The following ZBTB7C variants were observed in gnomAD, a reference collection of about 807,000 sequenced individuals.
ZBTB7C encodes the protein zinc finger and BTB domain-containing protein 7C.
A neutral mutation model predicts 25.7 loss-of-function variants in ZBTB7C; 8 were observed. The ratio of observed to expected loss-of-function variants is 0.31; its 90% CI spans 0.18 to 0.56. ZBTB7C has a LOEUF of 0.56. ZBTB7C is among the 20% of genes least tolerant of loss of function. ZBTB7C has a pLI of 0.91. For synonymous variants in ZBTB7C, 394 were observed against 369.0 expected (o/e 1.07, Z -0.78); for missense variants, 824 against 855.2 (o/e 0.96, Z 0.46).
intron 3 of ZBTB7C, among the ~76,000 whole-genome samples, chr18:48,093,976 G>A (rs911910598): frequency 2.6e-5 from 4 of 152,154 alleles, no homozygotes; most frequent in South Asian, 2.1e-4. Context: ...GAAGAATGGC[G>A]TGAACCCGGG....
At chr18:48,211,313 A>G (rs2156649) in intron 2 of ZBTB7C, among the ~76,000 whole-genome samples, 139,914 of 152,116 alleles carry the variant, frequency 0.92, 65,040 homozygotes, top group East Asian at 0.99. Flanking sequence ...CCAAAGGCAC[A>G]ACCCATAAAA....
intron 3 of ZBTB7C, among the ~76,000 whole-genome samples, chr18:48,102,557 C>T (rs1054195342): frequency 4.1e-5 from 5 of 120,764 alleles, no homozygotes; most frequent in Non-Finnish European, 8.4e-5. Context: ...AGAGTGAGAT[C>T]CTCCCTCAAA....
intron 3 of ZBTB7C, chr18:48,147,532 T>C (rs1033457987): frequency 1.3e-5 from 2 of 152,214 alleles, no homozygotes; most frequent in Non-Finnish European, 2.9e-5. Context: ...AGGATGACTA[T>C]TGTTTGGAAT....
intron 3 of ZBTB7C, among the ~76,000 whole-genome samples, chr18:48,160,862 C>T (rs2040988984): frequency 6.6e-6 from 1 of 151,980 alleles, no homozygotes; most frequent in African/African-American, 2.4e-5. Flanking sequence ...GAAAGGCCTC[C>T]CCTGTCCCAA....
chr18:48,352,046 C>T (rs897945476), intron 1 of ZBTB7C, among the ~76,000 whole-genome samples: 3 of 152,196 alleles, frequency 2.0e-5, no homozygotes, highest in Non-Finnish European at 4.4e-5. Context: ...CAAGGGTCCC[C>T]TCTTCCAGGA....
intron 2 of ZBTB7C, among the ~76,000 whole-genome samples, chr18:48,328,360 A>T (rs935747537): frequency 6.6e-6 from 1 of 152,184 alleles, no homozygotes. Flanking sequence ...TAAATTGTAG[A>T]TAGTGATGAT....
intron 3 of ZBTB7C, among the ~76,000 whole-genome samples, chr18:48,122,376 T>C (rs975085741): frequency 3.3e-5 from 5 of 152,314 alleles, no homozygotes; most frequent in African/African-American, 4.8e-5. Flanking sequence ...GTTATGAAAA[T>C]GTAGTTGTTT....
At chr18:48,407,233 A>G (rs113613287) in intron 1 of ZBTB7C, among the ~76,000 whole-genome samples, 199 of 152,328 alleles carry the variant, frequency 1.3e-3, no homozygotes, top group African/African-American at 4.4e-3. Context: ...AATTACCAGG[A>G]AAACAGAGTT....
At chr18:48,316,959 G>A (rs993175595) in intron 2 of ZBTB7C, among the ~76,000 whole-genome samples, 3 of 152,152 alleles carry the variant, frequency 2.0e-5, no homozygotes, top group South Asian at 2.1e-4. Flanking sequence ...TAATTCACGC[G>A]AACTTGTCTT....
chr18:48,304,283 T>C (rs750703253), intron 2 of ZBTB7C, among the ~76,000 whole-genome samples: 1 of 152,214 alleles, frequency 6.6e-6, no homozygotes, highest in Non-Finnish European at 1.5e-5. Context: ...CCAGTTGTAT[T>C]ACTTTACTGA....
Position 48,027,349 on chromosome 18 carries a change from T to C in ZBTB7C, c.*1911A>G, listed in dbSNP as rs1404588092. ...GCCCCAACACCACTGGATTCCAATT[T>C]ATTCATGTTTCCTTTTTTTTTTTTT... is the stretch of plus-strand genomic sequence containing the variant. On this transcript the variant is annotated 3_prime_UTR_variant, in exon 5 of 5. Transcript: ENST00000590800. 1.3e-5 allele frequency: 2 copies of C among 150,746 alleles called. No homozygotes were observed. Among genetic ancestry groups the C allele is most frequent in the Non-Finnish European group, 2.9e-5 (2 of 67,864 alleles). The allele number at this position is 150,746 out of a possible 1,614,324, so 9.3% of individuals were successfully genotyped here.
intron 2 of ZBTB7C, among the ~76,000 whole-genome samples, chr18:48,311,529 C>T (rs1392899643): frequency 6.8e-6 from 1 of 147,582 alleles, no homozygotes; most frequent in Non-Finnish European, 1.5e-5. Context: ...GGGTAAGACG[C>T]CAGGGATGCT....
intron 2 of ZBTB7C, among the ~76,000 whole-genome samples, chr18:48,335,104 C>T (rs1167963663): frequency 1.6e-4 from 25 of 152,232 alleles, no homozygotes; most frequent in Admixed American, 1.6e-3. Context: ...CTGTCACCAC[C>T]AGGGGCTAAG....
intron 1 of ZBTB7C, chr18:48,346,793 C>CA (rs1555746062): frequency 6.8e-6 from 1 of 147,180 alleles, no homozygotes; most frequent in East Asian, 2.0e-4. Context: ...TTTCTTTTTC[C>CA]TTTTTTTTTT....
At chr18:48,368,806 A>AAAAAGAATTATCCACCCAG (rs57505551) in intron 1 of ZBTB7C, among the ~76,000 whole-genome samples, 1 of 151,970 alleles carries the variant, frequency 6.6e-6, no homozygotes, top group Non-Finnish European at 1.5e-5. Context: ...GTGTGAAAAG[A>AAAAAGAATTATCCACCCAG]AATCCTATTT....
chr18:48,129,629 A>G (rs2039924000), intron 3 of ZBTB7C, among the ~76,000 whole-genome samples: 1 of 152,164 alleles, frequency 6.6e-6, no homozygotes, highest in Admixed American at 6.5e-5. Context: ...AGTGTCTCTA[A>G]TGTCACTGGT....
At chr18:48,213,005 C>T (rs984336356) in intron 2 of ZBTB7C, among the ~76,000 whole-genome samples, 1 of 152,184 alleles carries the variant, frequency 6.6e-6, no homozygotes, top group African/African-American at 2.4e-5. Context: ...AAAGGGAAGG[C>T]CTTTCCTCCA....
intron 3 of ZBTB7C, among the ~76,000 whole-genome samples, chr18:48,169,260 A>C (rs558014560): frequency 6.6e-6 from 1 of 151,850 alleles, no homozygotes; most frequent in South Asian, 2.1e-4. Context: ...AGTACTCCTC[A>C]CCTCCCAGTC....
chr18:48,293,870 A>G (rs891414585), intron 2 of ZBTB7C, among the ~76,000 whole-genome samples: 1 of 152,064 alleles, frequency 6.6e-6, no homozygotes, highest in African/African-American at 2.4e-5. Flanking sequence ...CTCCAGCCTA[A>G]GCCTCTCAAA....
Sources: allele counts gnomAD v4.1 joint callset (sites outside exome capture counted in the v4.1 genomes callset), GRCh38; gene constraint gnomAD v4.1.1; transcripts MANE v1.5; gene names NCBI Gene and HGNC (gene_info 2026-07-23, HGNC 2026-07-21).